GRK1: variants seen among roughly 807,000 people sequenced by gnomAD.
The protein encoded by GRK1 is rhodopsin kinase GRK1.
A neutral mutation model predicts 41.7 loss-of-function variants in GRK1; 28 were observed. The ratio of observed to expected loss-of-function variants is 0.67; its 90% CI spans 0.50 to 0.92. The LOEUF is 0.92. Ranked by LOEUF, GRK1 falls within the 40% of genes least tolerant of loss-of-function variation. The probability of loss-of-function intolerance (pLI) is 0.00; values close to 1 mark genes in which losing one functional copy is unlikely to be tolerated. For missense variants in GRK1, 703 were observed against 671.2 expected (o/e 1.05, Z -0.52); for synonymous variants, 327 against 286.7 (o/e 1.14, Z -1.42).
chr13:113,728,286 C>T (rs1170569125), intron 4 of GRK1, among the ~76,000 whole-genome samples: 3,011 of 66,198 alleles, frequency 0.045, 1 homozygote, highest in Admixed American at 0.054. Flanking sequence ...GTACCCATGG[C>T]GATGAGGAGT....
chr13:113,649,847 G>GTT, the GRK1 span, among the ~76,000 whole-genome samples: 1 of 152,170 alleles, frequency 6.6e-6, no homozygotes, highest in Admixed American at 6.5e-5. This position sits in a 1 kb window ranked among gnomAD's most constrained non-coding sequence, Gnocchi z 4.7. Context: ...TGGATATGCA[G>GTT]TTGTTTTAGA....
the GRK1 span, chr13:113,658,262 C>T: frequency 3.2e-5 from 32 of 996,066 alleles, no homozygotes; most frequent in East Asian, 4.8e-4. Flanking sequence ...GCATCGCAGG[C>T]GAAGGATCCC....
At chr13:113,654,340 T>G in the GRK1 span, among the ~76,000 whole-genome samples, 3 of 152,352 alleles carry the variant, frequency 2.0e-5, no homozygotes, top group South Asian at 2.1e-4. Context: ...CGGATGCCTG[T>G]TCCTCTGTCC....
chr13:113,733,602 TGC>T (rs1491233604), intron 6 of GRK1, among the ~76,000 whole-genome samples: 3 of 150,358 alleles, frequency 2.0e-5, no homozygotes, highest in Admixed American at 6.6e-5. Flanking sequence ...TGTGCATGTG[TGC>T]GCATGTGTAT....
chr13:113,649,414 T>C, the GRK1 span: 6 of 1,591,432 alleles, frequency 3.8e-6, no homozygotes, highest in Middle Eastern at 1.9e-4. This position sits in a 1 kb window ranked among gnomAD's most constrained non-coding sequence, Gnocchi z 4.7. Flanking sequence ...TTTCCCTTCA[T>C]ACGGGTCGTG....
In GRK1 at chr13:113,723,306, G is replaced by A. The variant is rs1032053007; in HGVS notation, c.1069+149G>A. The A allele has an allele frequency of 4.9e-5, 25 of 512,178 alleles. 1 individual carries two copies. Among genetic ancestry groups the A allele is most frequent in the Non-Finnish European group, 7.1e-5 (20 of 281,610 alleles). 31.7% of individuals were successfully genotyped at this position (512,178 alleles called of 1,614,324 possible). A position where few individuals can be genotyped will look rare whatever the true frequency, so the allele number is the denominator to read the frequency against. On this transcript the variant is annotated intron_variant, in intron 4 of 6. Transcript: ENST00000335678. ...TGGGCGTCTGTGTGGTTGTGCATTT[G>A]TGTGCATGTGAGTGTTGTGAACCCT...
intron 1 of GRK1, 79 bp from the exon 2 acceptor site, chr13:113,669,608 C>T (rs551798593): frequency 2.5e-5 from 39 of 1,568,962 alleles, no homozygotes; most frequent in South Asian, 5.6e-5. Flanking sequence ...TGGGCGTGGC[C>T]GGGTGCACAC....
intron 4 of GRK1, among the ~76,000 whole-genome samples, chr13:113,730,049 G>T (rs139559818): frequency 0.11 from 14,177 of 132,428 alleles, 972 homozygotes; most frequent in Middle Eastern, 0.22. Context: ...ACCCAGACCC[G>T]TCCCTCCATC....
chr13:113,666,360 ACCAGCTGTC>A (rs531500840), upstream of GRK1, among the ~76,000 whole-genome samples: 61 of 128,552 alleles, frequency 4.7e-4, no homozygotes, highest in East Asian at 8.3e-3. Flanking sequence ...CCAGGTGTTC[ACCAGCTGTC>A]CCAGCTGTCC....
At chr13:113,729,575 A>C (rs1193501358) in intron 4 of GRK1, among the ~76,000 whole-genome samples, 1 of 152,242 alleles carries the variant, frequency 6.6e-6, no homozygotes, top group Non-Finnish European at 1.5e-5. Flanking sequence ...ACAAGGAAGC[A>C]GAATGCTAAG....
chr13:113,652,897 T>C, the GRK1 span: 1 of 1,614,188 alleles, frequency 6.2e-7, no homozygotes, highest in Non-Finnish European at 8.5e-7. Context: ...TAATAAAACA[T>C]GGCTTTCCTT....
chr13:113,734,013 C>CGT (rs2049981371), intron 6 of GRK1, among the ~76,000 whole-genome samples: 1 of 103,370 alleles, frequency 9.7e-6, no homozygotes, highest in African/African-American at 5.1e-5. Flanking sequence ...CGTGTGCGTG[C>CGT]ATGTGTGTGC....
intron 6 of GRK1, among the ~76,000 whole-genome samples, chr13:113,734,253 C>T (rs1483577567): frequency 2.6e-5 from 4 of 152,220 alleles, no homozygotes; most frequent in African/African-American, 9.6e-5. Flanking sequence ...AGGGTCACAG[C>T]AGTGACTGCC....
In GRK1 at chr13:113,731,822, C is replaced by T. The variant is rs1436716306; in HGVS notation, c.1194+479C>T. Reference sequence around the variant, plus strand: ...GGCTCTGGGGGACACGGAGTCGGCTCCCCCTCCCTGGACGGTCTTATCCAT... The same window carrying T: ...GGCTCTGGGGGACACGGAGTCGGCTTCCCCTCCCTGGACGGTCTTATCCAT... On this transcript the variant is annotated intron_variant, in intron 5 of 6. Coordinates refer to ENST00000335678, the MANE Select transcript of GRK1 (RefSeq NM_002929.3). This position sits in a 1 kb window ranked among gnomAD's most constrained non-coding sequence, Gnocchi z 5.6. Among the ~76,000 whole-genome samples the T allele has an allele frequency of 3.3e-5, 5 of 152,150 alleles. No individual in the cohort carries two copies. The highest frequency in any genetic ancestry group is 7.3e-5 in the Non-Finnish European group (5 of 68,030).
intron 6 of GRK1, among the ~76,000 whole-genome samples, chr13:113,733,917 C>A (rs1335868199): frequency 3.2e-5 from 2 of 62,320 alleles, no homozygotes; most frequent in African/African-American, 9.8e-5. Flanking sequence ...ATACAGTGTG[C>A]GTGTGTGCAT....
At chr13:113,728,047 G>T in intron 4 of GRK1, among the ~76,000 whole-genome samples, 1 of 92,458 alleles carries the variant, frequency 1.1e-5, no homozygotes. Context: ...AGTACCCATG[G>T]CGATGAGGAG....
Position 113,723,082 on chromosome 13 carries a change from C to T in GRK1, c.994C>T (p.Arg332Trp), listed in dbSNP as rs372114657. ...NVLLDNDGNV[R>W]ISDLGLAVEL... ...CGCTATCTGCCTCTCAGGCAATGTC[C>T]GGATCTCTGACCTTGGGCTGGCCGT... is the stretch of plus-strand genomic sequence containing the variant. Residue 332 changes from arginine (R) to tryptophan (W), a missense_variant, in exon 4 of 7, where the codon CGG becomes TGG. Arg to Trp is a moderately radical substitution (Grantham distance 101). Transcript: ENST00000335678. 1.4e-6 allele frequency: 1 copy of T among 700,960 alleles called. No homozygotes were observed. Among genetic ancestry groups the T allele is most frequent in the South Asian group, 1.5e-5 (1 of 67,458 alleles). The allele number at this position is 700,960 out of a possible 1,614,324, so 43.4% of individuals were successfully genotyped here.
Position 113,671,377 on chromosome 13 carries a change from C to G in GRK1, c.828-122C>G. The G allele has an allele frequency of 2.8e-6, 2 of 712,124 alleles. No individual in the cohort carries two copies. 44.1% of individuals were successfully genotyped at this position (712,124 alleles called of 1,614,324 possible). Reference sequence around the variant, plus strand: ...GTCCTCTGCAGGGACGTAGGGGGGCCAGGCCTCAAAACGACCAGAACGCTG... The same window carrying G: ...GTCCTCTGCAGGGACGTAGGGGGGCGAGGCCTCAAAACGACCAGAACGCTG... On this transcript the variant is annotated intron_variant, in intron 2 of 6. Coordinates refer to ENST00000335678, the MANE Select transcript of GRK1 (RefSeq NM_002929.3). This position sits in a 1 kb window ranked among gnomAD's most constrained non-coding sequence, Gnocchi z 4.1.
Position 113,669,780 on chromosome 13 carries a change from CT to C in GRK1, c.794del (p.Leu265ArgfsTer2). 1 of 1,613,994 alleles carries C rather than the reference CT, an allele frequency of 6.2e-7. No individual in the cohort carries two copies. Among genetic ancestry groups the C allele is most frequent in the Non-Finnish European group, 8.5e-7 (1 of 1,179,872 alleles). On this transcript the variant is annotated frameshift_variant, in exon 2 of 7. Coordinates refer to ENST00000335678, the MANE Select transcript of GRK1 (RefSeq NM_002929.3). LOFTEE classifies it high-confidence loss of function. ...YAFETKADLCLVMTIMNGGDI... is the reference protein window; with the variant it reads ...YAFETKADLCXVMTIMNGGDI... ...GTTTGAAACCAAAGCCGACCTCTGT[CT>C]GGTGATGACCATCATGAACGGAGGT... is the stretch of plus-strand genomic sequence containing the variant.
Sources: allele counts gnomAD v4.1 joint callset (sites outside exome capture counted in the v4.1 genomes callset), GRCh38; gene constraint gnomAD v4.1.1; non-coding constraint Gnocchi (gnomAD v3.1); transcripts MANE v1.5; gene names NCBI Gene and HGNC (gene_info 2026-07-23, HGNC 2026-07-21).